Variants in LRP1B observed in about 807,000 individuals in gnomAD.
The protein encoded by LRP1B is low-density lipoprotein receptor-related protein 1B.
A neutral mutation model predicts 556.6 loss-of-function variants in LRP1B; 217 were observed. The ratio of observed to expected loss-of-function variants is 0.39; its 90% CI spans 0.35 to 0.44. The LOEUF (loss-of-function observed/expected upper bound fraction) is 0.44, where lower values mean the gene tolerates loss of function less well. Ranked by LOEUF, LRP1B falls within the 20% of genes least tolerant of loss-of-function variation. LRP1B has a pLI of 1.00. For missense variants in LRP1B, 5,053 were observed against 5,620.8 expected, an observed-to-expected ratio of 0.90 and a Z score of 3.23; for synonymous variants, 2,047 against 1,865.8, an observed-to-expected ratio of 1.10 and a Z score of -2.50.
chr2:140,719,769 T>A (rs1318242065), intron 35 of LRP1B, among the ~76,000 whole-genome samples: 1 of 152,044 alleles, frequency 6.6e-6, no homozygotes, highest in Non-Finnish European at 1.5e-5. Flanking sequence ...ATTTGGGAAA[T>A]TGGTGAGTAA....
intron 1 of LRP1B, among the ~76,000 whole-genome samples, chr2:141,913,890 G>C (rs1186623955): frequency 6.6e-6 from 1 of 152,054 alleles, no homozygotes; most frequent in Non-Finnish European, 1.5e-5. Context: ...GGGACTACAG[G>C]CACGTACCAC....
intron 84 of LRP1B, among the ~76,000 whole-genome samples, chr2:140,284,466 A>G (rs541789018): frequency 2.6e-5 from 4 of 151,766 alleles, no homozygotes; most frequent in Non-Finnish European, 4.4e-5. Flanking sequence ...AGTTATTGTC[A>G]TCATGTTGTA....
intron 2 of LRP1B, among the ~76,000 whole-genome samples, chr2:141,481,519 C>G (rs543828819): frequency 4.6e-5 from 7 of 152,236 alleles, no homozygotes; most frequent in African/African-American, 1.4e-4. Flanking sequence ...CGAATCCATG[C>G]GACATTAATT....
At position 140,655,514 on chromosome 2, in the gene LRP1B, T is replaced by C. The variant is rs7560831; in HGVS notation, c.6799+44736A>G. On this transcript the variant is annotated intron_variant, in intron 41 of 90. Transcript: ENST00000389484. Reference sequence around the variant, plus strand: ...GTTATTCATGAATTTAAGATAGTGGTTTCCTTCCAGATTAATCATTCCTAG... The same window carrying C: ...GTTATTCATGAATTTAAGATAGTGGCTTCCTTCCAGATTAATCATTCCTAG... 9.4e-3 allele frequency among the ~76,000 whole-genome samples: 1,434 copies of C among 152,318 alleles called. 25 individuals carry two copies. Among genetic ancestry groups the C allele is most frequent in the African/African-American group, 0.032 (1,346 of 41,568 alleles).
intron 3 of LRP1B, among the ~76,000 whole-genome samples, chr2:141,344,946 G>T (rs1040638318): frequency 7.9e-5 from 12 of 152,160 alleles, no homozygotes; most frequent in Non-Finnish European, 5.9e-5. Context: ...AATTACAGTT[G>T]CAGATGGAGC....
intron 41 of LRP1B, among the ~76,000 whole-genome samples, chr2:140,618,728 A>G (rs1272954478): frequency 6.6e-6 from 1 of 152,096 alleles, no homozygotes; most frequent in Non-Finnish European, 1.5e-5. Context: ...ATTGAGGTCA[A>G]GAGTGTCAGG....
chr2:141,954,360 A>T (rs1161785117), intron 1 of LRP1B, among the ~76,000 whole-genome samples: 1 of 152,116 alleles, frequency 6.6e-6, no homozygotes, highest in East Asian at 1.9e-4. Flanking sequence ...GACACAGGGC[A>T]GATGCACCAT....
intron 2 of LRP1B, among the ~76,000 whole-genome samples, chr2:141,575,676 GA>G (rs1198998609): frequency 6.6e-6 from 1 of 150,466 alleles, no homozygotes; most frequent in African/African-American, 2.4e-5. Context: ...TCTACAGAAT[GA>G]GAGAAAACTT....
intron 47 of LRP1B, among the ~76,000 whole-genome samples, chr2:140,532,938 A>ATATCTATATCTATATC (rs1558948715): frequency 1.7e-4 from 19 of 113,774 alleles, no homozygotes; most frequent in African/African-American, 5.5e-4. Context: ...AGATATATAT[A>ATATCTATATCTATATC]TATATATATA....
chr2:141,885,424 G>A lies in LRP1B; in HGVS notation c.83-75023C>T, dbSNP rs141727545. On this transcript the variant is annotated intron_variant, in intron 1 of 90. Coordinates refer to ENST00000389484, the MANE Select transcript of LRP1B (RefSeq NM_018557.3). ...CAAAGAATGTAAAGACAGAAAAAGT[G>A]ACATAAGCTCTTCGTTTTCACCTTG... Among the ~76,000 whole-genome samples the A allele has an allele frequency of 4.5e-4, 68 of 152,244 alleles. 1 individual carries two copies. The highest frequency in any genetic ancestry group is 1.2e-3 in the African/African-American group (49 of 41,548).
chr2:140,908,514 C>T (rs1449310106), intron 21 of LRP1B, among the ~76,000 whole-genome samples: 2 of 151,406 alleles, frequency 1.3e-5, no homozygotes, highest in Non-Finnish European at 2.9e-5. Context: ...GCTATCGGTG[C>T]CTGTCAGAAA....
At chr2:140,255,510 T>G (rs1681635771) in intron 86 of LRP1B, among the ~76,000 whole-genome samples, 1 of 152,206 alleles carries the variant, frequency 6.6e-6, no homozygotes, top group Admixed American at 6.5e-5. Flanking sequence ...TAAAGGCACC[T>G]TTGCCTATGA....
At chr2:141,818,046 G>A (rs1696619138) in intron 1 of LRP1B, among the ~76,000 whole-genome samples, 2 of 152,146 alleles carry the variant, frequency 1.3e-5, no homozygotes, top group Admixed American at 1.3e-4. Context: ...TGTTTTCAGA[G>A]TTTAGTTAAC....
chr2:141,891,397 A>G (rs1433426270), intron 1 of LRP1B, among the ~76,000 whole-genome samples: 1 of 152,160 alleles, frequency 6.6e-6, no homozygotes, highest in Non-Finnish European at 1.5e-5. Context: ...CAGAATGTCA[A>G]CAGCATTCCC....
intron 82 of LRP1B, among the ~76,000 whole-genome samples, chr2:140,321,135 T>A (rs1680095120): frequency 6.6e-6 from 1 of 152,070 alleles, no homozygotes; most frequent in South Asian, 2.1e-4. Context: ...ATTTTCCCCA[T>A]TATACCTAAT....
At chr2:141,426,222 G>A (rs1414341200) in intron 3 of LRP1B, among the ~76,000 whole-genome samples, 1 of 151,840 alleles carries the variant, frequency 6.6e-6, no homozygotes, top group South Asian at 2.1e-4. Context: ...TCAAAGATCA[G>A]ATAGTTGTAG....
At chr2:141,760,524 G>A (rs1694504726) in intron 2 of LRP1B, among the ~76,000 whole-genome samples, 1 of 152,132 alleles carries the variant, frequency 6.6e-6, no homozygotes, top group African/African-American at 2.4e-5. Flanking sequence ...TCAACAAAAT[G>A]TTATTTTAAA....
intron 7 of LRP1B, among the ~76,000 whole-genome samples, chr2:141,074,142 A>C (rs1247226510): frequency 6.6e-6 from 1 of 151,970 alleles, no homozygotes; most frequent in Non-Finnish European, 1.5e-5. Flanking sequence ...AACACCTTGG[A>C]CATCCAGTGA....
intron 2 of LRP1B, among the ~76,000 whole-genome samples, chr2:141,666,544 C>A (rs971164880): frequency 2.0e-5 from 3 of 152,126 alleles, no homozygotes; most frequent in African/African-American, 4.8e-5. Flanking sequence ...TTTAATCTAC[C>A]AATATACCTC....
Sources: allele counts gnomAD v4.1 joint callset (sites outside exome capture counted in the v4.1 genomes callset), GRCh38; gene constraint gnomAD v4.1.1; transcripts MANE v1.5; gene names NCBI Gene and HGNC (gene_info 2026-07-23, HGNC 2026-07-21).